The following JPH3 variants were observed in gnomAD, a reference collection of about 807,000 sequenced individuals.
The protein encoded by JPH3 is junctophilin-3.
In JPH3, 11 loss-of-function variants were observed where a neutral mutation model predicts 59.6. That is an observed-to-expected ratio of 0.18 (90% confidence interval 0.12 to 0.31). JPH3 has a LOEUF of 0.31. Ranked by LOEUF, JPH3 falls within the 10% of genes least tolerant of loss-of-function variation. The pLI, the probability that JPH3 is intolerant of heterozygous loss-of-function variation, is 1.00. For missense variants in JPH3, 1,202 were observed against 1,105.7 expected, an observed-to-expected ratio of 1.09 and a Z score of -1.24; for synonymous variants, 673 against 483.6, an observed-to-expected ratio of 1.39 and a Z score of -5.14.
At chr16:87,673,539 G>A (rs569418956) in intron 2 of JPH3, among the ~76,000 whole-genome samples, 1 of 152,278 alleles carries the variant, frequency 6.6e-6, no homozygotes, top group Admixed American at 6.5e-5. Flanking sequence ...AATATACAAG[G>A]TTGTTATTAG....
intron 2 of JPH3, among the ~76,000 whole-genome samples, chr16:87,683,019 C>T (rs973083567): frequency 6.6e-6 from 1 of 152,260 alleles, no homozygotes; most frequent in Non-Finnish European, 1.5e-5. Flanking sequence ...AGAGGGGTGA[C>T]GTGCCCGGCT....
chr16:87,663,949 C>T (rs887760528), intron 2 of JPH3, among the ~76,000 whole-genome samples: 6 of 152,120 alleles, frequency 3.9e-5, no homozygotes, highest in Non-Finnish European at 5.9e-5. Context: ...ATGCAGACGT[C>T]GAGTTGTGGT....
chr16:87,671,266 G>T (rs1197091634), intron 2 of JPH3, among the ~76,000 whole-genome samples: 2 of 150,770 alleles, frequency 1.3e-5, no homozygotes, highest in Non-Finnish European at 3.0e-5. Flanking sequence ...GCCCCACCTG[G>T]CCCCTTCGTC....
At chr16:87,655,365 T>C (rs953948492) in intron 2 of JPH3, among the ~76,000 whole-genome samples, 6 of 102,652 alleles carry the variant, frequency 5.8e-5, no homozygotes, top group Admixed American at 3.4e-4. Flanking sequence ...GTGTTATTTT[T>C]TGTGACAGGG....
At chr16:87,629,056 G>GGCTAA (rs2150834030) in intron 1 of JPH3, among the ~76,000 whole-genome samples, 1 of 152,164 alleles carries the variant, frequency 6.6e-6, no homozygotes, top group South Asian at 2.1e-4. Flanking sequence ...CAGGCTCCAG[G>GGCTAA]GCTAACGCTG....
chr16:87,686,382 C>T (rs925928110), intron 3 of JPH3, among the ~76,000 whole-genome samples: 1 of 129,304 alleles, frequency 7.7e-6, no homozygotes, highest in Non-Finnish European at 1.6e-5. Flanking sequence ...GAGATGCTTC[C>T]CAGAGGGCTC....
At chr16:87,672,431 C>A (rs1359843929) in intron 2 of JPH3, among the ~76,000 whole-genome samples, 1 of 152,224 alleles carries the variant, frequency 6.6e-6, no homozygotes, top group African/African-American at 2.4e-5. Context: ...CCAGGGGCCT[C>A]CCTGTTCTCA....
At chr16:87,605,244 C>G (rs1269797833) in intron 1 of JPH3, among the ~76,000 whole-genome samples, 1 of 152,234 alleles carries the variant, frequency 6.6e-6, no homozygotes, top group Non-Finnish European at 1.5e-5. Flanking sequence ...GTCTCTGAAA[C>G]TCCTCAGAAT....
chr16:87,639,630 T>TGTCCTCCCG (rs1567593534), intron 1 of JPH3, among the ~76,000 whole-genome samples: 33 of 147,560 alleles, frequency 2.2e-4, no homozygotes, highest in Admixed American at 1.7e-3. Context: ...CTGGCCTCCC[T>TGTCCTCCCG]CCTGGCCTCC....
intron 2 of JPH3, among the ~76,000 whole-genome samples, chr16:87,652,026 G>A (rs1274306042): frequency 6.6e-6 from 1 of 151,976 alleles, no homozygotes; most frequent in African/African-American, 2.4e-5. Context: ...CCAGGCTGGA[G>A]TGCAGTGGCA....
intron 1 of JPH3, among the ~76,000 whole-genome samples, chr16:87,640,015 C>G (rs572436143): frequency 2.0e-5 from 3 of 152,322 alleles, no homozygotes; most frequent in African/African-American, 7.2e-5. Flanking sequence ...CCAGGGTCAT[C>G]CTCCACTTTG....
At chr16:87,674,593 G>A (rs1450180338) in intron 2 of JPH3, among the ~76,000 whole-genome samples, 1 of 152,234 alleles carries the variant, frequency 6.6e-6, no homozygotes, top group African/African-American at 2.4e-5. Flanking sequence ...AGGTGTGTAT[G>A]TCGATCACTG....
At chr16:87,640,606 T>C (rs1567594001) in intron 1 of JPH3, among the ~76,000 whole-genome samples, 1 of 152,072 alleles carries the variant, frequency 6.6e-6, no homozygotes, top group Admixed American at 6.5e-5. Flanking sequence ...TTGGCCAGCG[T>C]GGTCTCTAAC....
intron 2 of JPH3, among the ~76,000 whole-genome samples, chr16:87,660,541 G>T (rs1163532006): frequency 6.6e-6 from 1 of 152,166 alleles, no homozygotes; most frequent in African/African-American, 2.4e-5. Flanking sequence ...TCTGTCCTGG[G>T]ATAGCACAGA....
In JPH3 at chr16:87,611,735, GTC is replaced by G. The variant is rs1470162939; in HGVS notation, c.382+8211_382+8212del. 6.6e-6 allele frequency among the ~76,000 whole-genome samples: 1 copy of G among 152,180 alleles called. No individual in the cohort carries two copies. The highest frequency in any genetic ancestry group is 1.5e-5 in the Non-Finnish European group (1 of 68,038). On this transcript the variant is annotated intron_variant, in intron 1 of 4. Coordinates refer to ENST00000284262, the MANE Select transcript of JPH3 (RefSeq NM_020655.4). This position sits in a 1 kb window ranked among gnomAD's most constrained non-coding sequence, Gnocchi z 4.5. ...CACAGATTTCCAGCCCCACCCCTGA[GTC>G]TCTGGGCCTGGGATGCCACCCAAGA...
chr16:87,635,630 A>G (rs561159930), intron 1 of JPH3, among the ~76,000 whole-genome samples: 2 of 152,278 alleles, frequency 1.3e-5, no homozygotes, highest in South Asian at 4.2e-4. Flanking sequence ...ACAGGAAGGG[A>G]GGGGTACAGC....
intron 1 of JPH3, among the ~76,000 whole-genome samples, chr16:87,615,610 A>T (rs767381790): frequency 6.6e-6 from 1 of 151,846 alleles, no homozygotes. Flanking sequence ...TGGAGCAGGG[A>T]CTCCATAGCT....
rs137909923 is a variant in JPH3, at chr16:87,621,206, C to A, written c.382+17678C>A. 6.2e-3 allele frequency among the ~76,000 whole-genome samples: 947 copies of A among 152,340 alleles called. 10 individuals carry two copies. Among genetic ancestry groups the A allele is most frequent in the African/African-American group, 0.021 (864 of 41,586 alleles). On this transcript the variant is annotated intron_variant, in intron 1 of 4. Coordinates refer to ENST00000284262, the MANE Select transcript of JPH3 (RefSeq NM_020655.4). ...TGGTCCCCTGGAGCGCAGGGGTCAGCAGCTAACTTCTCGCCCTGGCAGCTG... is the reference window on the plus strand; with the variant it reads ...TGGTCCCCTGGAGCGCAGGGGTCAGAAGCTAACTTCTCGCCCTGGCAGCTG...
At chr16:87,632,742 A>C (rs1403325377) in intron 1 of JPH3, among the ~76,000 whole-genome samples, 1 of 152,070 alleles carries the variant, frequency 6.6e-6, no homozygotes, top group Non-Finnish European at 1.5e-5. Context: ...AAAACACAAA[A>C]ATTAGCCGGG....
Sources: allele counts gnomAD v4.1 joint callset (sites outside exome capture counted in the v4.1 genomes callset), GRCh38; gene constraint gnomAD v4.1.1; non-coding constraint Gnocchi (gnomAD v3.1); transcripts MANE v1.5; gene names NCBI Gene and HGNC (gene_info 2026-07-23, HGNC 2026-07-21).